The following CNTNAP2 variants were observed in gnomAD, a reference collection of about 807,000 sequenced individuals.
CNTNAP2 encodes the protein contactin-associated protein-like 2.
Under a neutral mutation model 155.2 loss-of-function variants are expected in CNTNAP2, and 98 were observed. The observed-to-expected ratio is 0.63, with a 90% CI of 0.54 to 0.75. The LOEUF (loss-of-function observed/expected upper bound fraction) is 0.75. Ranked by LOEUF, CNTNAP2 falls within the 30% of genes least tolerant of loss-of-function variation. CNTNAP2 has a pLI of 0.00. For synonymous variants in CNTNAP2, 651 were observed against 631.2 expected, an observed-to-expected ratio of 1.03 and a Z score of -0.47; for missense variants, 1,727 against 1,688.1, an observed-to-expected ratio of 1.02 and a Z score of -0.40.
At chr7:147,628,597 A>G (rs10239776) in intron 12 of CNTNAP2, among the ~76,000 whole-genome samples, 29,876 of 152,156 alleles carry the variant, frequency 0.2, 3,116 homozygotes, top group Middle Eastern at 0.24. Context: ...AACAACTAGC[A>G]TGATGAAGAA....
chr7:148,221,408 C>T (rs1487599918), intron 19 of CNTNAP2, among the ~76,000 whole-genome samples: 2 of 152,006 alleles, frequency 1.3e-5, no homozygotes, highest in African/African-American at 4.8e-5. Context: ...GATTCCAGAC[C>T]CAAAGCTCCC....
chr7:147,788,778 G>A (rs566889165), intron 13 of CNTNAP2, among the ~76,000 whole-genome samples: 7 of 151,572 alleles, frequency 4.6e-5, no homozygotes, highest in East Asian at 1.9e-4. Context: ...CAGCGGTGAC[G>A]CAGCCAGTTG....
chr7:147,262,074 T>G (rs1402921883), intron 8 of CNTNAP2, among the ~76,000 whole-genome samples: 1 of 152,208 alleles, frequency 6.6e-6, no homozygotes, highest in African/African-American at 2.4e-5. Context: ...TTACAAAGAA[T>G]GGATGATAAT....
chr7:146,416,468 T>G (rs577483518), intron 1 of CNTNAP2, among the ~76,000 whole-genome samples: 1 of 152,192 alleles, frequency 6.6e-6, no homozygotes, highest in Non-Finnish European at 1.5e-5. Context: ...CATGGCACAT[T>G]ATAACCAGGA....
chr7:146,638,975 C>A (rs1373052569), intron 1 of CNTNAP2, among the ~76,000 whole-genome samples: 1 of 152,010 alleles, frequency 6.6e-6, no homozygotes, highest in Non-Finnish European at 1.5e-5. Context: ...ATGCTGTAGG[C>A]AATTGTAACA....
intron 1 of CNTNAP2, among the ~76,000 whole-genome samples, chr7:146,410,567 G>A (rs1205409564): frequency 6.6e-6 from 1 of 152,104 alleles, no homozygotes; most frequent in Non-Finnish European, 1.5e-5. Context: ...CTTGTGTCAT[G>A]GGAGTTTGTT....
At chr7:146,131,510 AC>A (rs1433509685) in intron 1 of CNTNAP2, among the ~76,000 whole-genome samples, 14 of 152,276 alleles carry the variant, frequency 9.2e-5, no homozygotes, top group African/African-American at 3.1e-4. Context: ...TACATTTGTG[AC>A]TTCCTGGGTT....
At chr7:146,468,729 T>C (rs1378850443) in intron 1 of CNTNAP2, among the ~76,000 whole-genome samples, 1 of 152,114 alleles carries the variant, frequency 6.6e-6, no homozygotes, top group Admixed American at 6.6e-5. Flanking sequence ...TAAAAAAAGA[T>C]GGCAAAGCTG....
intron 1 of CNTNAP2, among the ~76,000 whole-genome samples, chr7:146,314,410 G>C (rs114579574): frequency 6.6e-6 from 1 of 152,108 alleles, no homozygotes; most frequent in African/African-American, 2.4e-5. Flanking sequence ...TGTTAGATGC[G>C]TGTTCCAGTT....
intron 8 of CNTNAP2, among the ~76,000 whole-genome samples, chr7:147,173,356 A>C (rs756764701): frequency 7.9e-5 from 12 of 152,046 alleles, no homozygotes; most frequent in Non-Finnish European, 1.5e-4. Context: ...CCTGACTGAC[A>C]ATCTCCCAAC....
chr7:146,475,119 GAT>G lies in CNTNAP2; in HGVS notation c.98-299151_98-299150del, dbSNP rs201015402. Among the ~76,000 whole-genome samples, 468 of 152,074 alleles carry G rather than the reference GAT, an allele frequency of 3.1e-3. 2 individuals carry two copies. The Middle Eastern group carries it at 0.058, about 19-fold the overall frequency. On this transcript the variant is annotated intron_variant, in intron 1 of 23. Transcript: ENST00000361727. ...ATATAATTTATTTTTCTGCAGACTG[GAT>G]GTCAAAAAAAGCACATATTTGAAAT... is the stretch of plus-strand genomic sequence containing the variant.
intron 1 of CNTNAP2, among the ~76,000 whole-genome samples, chr7:146,404,928 C>T (rs1795769391): frequency 6.6e-6 from 1 of 152,110 alleles, no homozygotes; most frequent in Non-Finnish European, 1.5e-5. Flanking sequence ...GTTCAGGATG[C>T]CCTGTACATT....
chr7:147,748,800 A>G (rs963789437), intron 13 of CNTNAP2, among the ~76,000 whole-genome samples: 1 of 152,154 alleles, frequency 6.6e-6, no homozygotes. Context: ...ATTCTGTGTG[A>G]TGGCAGGCAG....
At chr7:146,691,613 G>A (rs780866669) in intron 1 of CNTNAP2, among the ~76,000 whole-genome samples, 4 of 152,020 alleles carry the variant, frequency 2.6e-5, no homozygotes, top group Non-Finnish European at 4.4e-5. Context: ...GCAAATAATC[G>A]TAAGTCAGGG....
chr7:147,339,045 A>C (rs771719522), intron 9 of CNTNAP2, among the ~76,000 whole-genome samples: 18 of 152,212 alleles, frequency 1.2e-4, no homozygotes, highest in Admixed American at 2.6e-4. Flanking sequence ...CAAGAAATAC[A>C]AACAGCTTCA....
intron 1 of CNTNAP2, among the ~76,000 whole-genome samples, chr7:146,549,058 CTTT>C (rs565332134): frequency 7.3e-6 from 1 of 136,654 alleles, no homozygotes; most frequent in Non-Finnish European, 1.6e-5. Flanking sequence ...GTCCAATTTC[CTTT>C]TTTTTTTTTT....
rs145674337 is a variant in CNTNAP2 at position 147,190,884 on chromosome 7, G to A, written c.1348+58375G>A. ...TTAACTGAACCGATCTCAGAAGACAGGAAAATGATTGTGATATAATGCTTG... is the reference window on the plus strand; with the variant it reads ...TTAACTGAACCGATCTCAGAAGACAAGAAAATGATTGTGATATAATGCTTG... On this transcript the variant is annotated intron_variant, in intron 8 of 23. Transcript: ENST00000361727. Among the ~76,000 whole-genome samples the A allele has an allele frequency of 2.3e-3, 355 of 152,272 alleles. 1 individual carries two copies. Among genetic ancestry groups the A allele is most frequent in the African/African-American group, 8.1e-3 (337 of 41,546 alleles).
chr7:148,319,340 A>G (rs999777094), intron 21 of CNTNAP2, among the ~76,000 whole-genome samples: 1 of 152,220 alleles, frequency 6.6e-6, no homozygotes, highest in Non-Finnish European at 1.5e-5. Flanking sequence ...TTTATCATAA[A>G]AGTGAATTTG....
intron 1 of CNTNAP2, among the ~76,000 whole-genome samples, chr7:146,431,655 A>G (rs1205478410): frequency 6.6e-6 from 1 of 152,180 alleles, no homozygotes; most frequent in Admixed American, 6.6e-5. Context: ...TCATAATGAG[A>G]AGACTGCGTT....
Sources: gnomAD v4.1 joint callset for allele counts (sites outside exome capture counted in the v4.1 genomes callset) on GRCh38, gnomAD v4.1.1 for gene constraint, MANE v1.5 for transcripts, NCBI Gene and HGNC (gene_info 2026-07-23, HGNC 2026-07-21) for gene names.